PTPRN2: variants seen among roughly 807,000 people sequenced by gnomAD.
PTPRN2 encodes the protein receptor-type tyrosine-protein phosphatase N2.
A neutral mutation model predicts 118.8 loss-of-function variants in PTPRN2; 74 were observed. That is an observed-to-expected ratio of 0.62 (90% CI 0.52 to 0.76). The LOEUF (loss-of-function observed/expected upper bound fraction) is 0.76, where lower values mean the gene tolerates loss of function less well. Ranked by LOEUF, PTPRN2 falls within the 30% of genes least tolerant of loss-of-function variation. The pLI is 0.00. For missense variants in PTPRN2, 1,481 were observed against 1,394.4 expected, an observed-to-expected ratio of 1.06 and a Z score of -0.99; for synonymous variants, 641 against 608.0, an observed-to-expected ratio of 1.05 and a Z score of -0.80.
At chr7:158,414,551 C>A (rs921779243) in intron 2 of PTPRN2, among the ~76,000 whole-genome samples, 2 of 152,240 alleles carry the variant, frequency 1.3e-5, no homozygotes, top group African/African-American at 4.8e-5. Context: ...AGTCATACAT[C>A]AGAGCCACCC....
chr7:157,604,671 C>A (rs1386424602), intron 15 of PTPRN2, among the ~76,000 whole-genome samples: 1 of 152,148 alleles, frequency 6.6e-6, no homozygotes, highest in Non-Finnish European at 1.5e-5. Flanking sequence ...GAGTAAGAGA[C>A]AAATAAAATG....
intron 3 of PTPRN2, among the ~76,000 whole-genome samples, chr7:158,266,668 C>T (rs900301874): frequency 1.2e-4 from 18 of 152,178 alleles, no homozygotes; most frequent in African/African-American, 1.2e-4. Flanking sequence ...GGCCACTTCC[C>T]GGCTTAACCT....
chr7:158,391,252 C>T (rs1811901931), intron 2 of PTPRN2, among the ~76,000 whole-genome samples: 1 of 152,334 alleles, frequency 6.6e-6, no homozygotes, highest in African/African-American at 2.4e-5. Context: ...GGGCCAATGG[C>T]CGAGGAGAAA....
intron 2 of PTPRN2, among the ~76,000 whole-genome samples, chr7:158,337,510 C>A (rs1379177113): frequency 6.6e-6 from 1 of 151,586 alleles, no homozygotes; most frequent in Admixed American, 6.6e-5. Context: ...CTCGCACCCA[C>A]ACTCTCACCA....
At chr7:157,956,278 T>A (rs1401340590) in intron 11 of PTPRN2, among the ~76,000 whole-genome samples, 1 of 152,008 alleles carries the variant, frequency 6.6e-6, no homozygotes, top group African/African-American at 2.4e-5. Context: ...GTGGAGCACA[T>A]CTGGAGGGGG....
chr7:158,181,132 G>T (rs952127212), intron 5 of PTPRN2, among the ~76,000 whole-genome samples: 2 of 152,128 alleles, frequency 1.3e-5, no homozygotes, highest in African/African-American at 4.8e-5. Context: ...CGAGTTTGTT[G>T]AGAGTTTTTA....
intron 3 of PTPRN2, among the ~76,000 whole-genome samples, chr7:158,225,607 G>A (rs916369573): frequency 6.6e-6 from 1 of 152,202 alleles, no homozygotes; most frequent in Admixed American, 6.5e-5. Context: ...ATGCAGGTAC[G>A]TAATTAGCTA....
At position 157,923,400 on chromosome 7, in the gene PTPRN2, G is replaced by A. The variant is rs149220483; in HGVS notation, c.1724-24663C>T. Among the ~76,000 whole-genome samples the A allele has an allele frequency of 5.0e-3, 758 of 152,302 alleles. 8 individuals are homozygous for A. The highest frequency in any genetic ancestry group is 0.014 in the African/African-American group (563 of 41,550). On this transcript the variant is annotated intron_variant, in intron 11 of 22. Coordinates refer to ENST00000389418, the MANE Select transcript of PTPRN2 (RefSeq NM_002847.5). Reference sequence around the variant, plus strand: ...CCATGCTCCACCTGCCTGAGCCTCGGGAAACGCCACCTGCGCGCTGGCCTG... The same window carrying A: ...CCATGCTCCACCTGCCTGAGCCTCGAGAAACGCCACCTGCGCGCTGGCCTG...
chr7:158,153,384 C>G (rs980940826), intron 6 of PTPRN2, among the ~76,000 whole-genome samples: 2 of 152,210 alleles, frequency 1.3e-5, no homozygotes, highest in African/African-American at 4.8e-5. Context: ...CACAAGCCAC[C>G]TATAGACGGC....
chr7:158,071,294 G>T (rs1376272586), intron 11 of PTPRN2, among the ~76,000 whole-genome samples: 1 of 90,686 alleles, frequency 1.1e-5, no homozygotes, highest in Admixed American at 1.1e-4. Context: ...TGGTGGAGGT[G>T]CTCGTGGTGG....
chr7:158,026,901 C>G (rs1270919245), intron 11 of PTPRN2, among the ~76,000 whole-genome samples: 4 of 152,262 alleles, frequency 2.6e-5, no homozygotes, highest in Non-Finnish European at 5.9e-5. Context: ...GGTCCAGCAG[C>G]CACTCGGCTC....
intron 2 of PTPRN2, among the ~76,000 whole-genome samples, chr7:158,407,930 G>T (rs1813730713): frequency 6.6e-6 from 1 of 152,230 alleles, no homozygotes; most frequent in Admixed American, 6.5e-5. Flanking sequence ...AGTCTACAGA[G>T]CTTGTGTGCA....
chr7:157,832,925 T>A (rs1807662820), intron 12 of PTPRN2, among the ~76,000 whole-genome samples: 1 of 152,256 alleles, frequency 6.6e-6, no homozygotes, highest in Admixed American at 6.5e-5. Context: ...AGAACTGTGA[T>A]GAGATGGCGG....
rs1163051751 is a variant in PTPRN2, at chr7:157,869,631, T to C, written c.1788+29042A>G. On this transcript the variant is annotated intron_variant, in intron 12 of 22. Coordinates refer to ENST00000389418, the MANE Select transcript of PTPRN2 (RefSeq NM_002847.5). This position sits in a 1 kb window ranked among gnomAD's most constrained non-coding sequence, Gnocchi z 4.2. ...AAATGGGTACCCTCTGGATATATTT[T>C]AAGAATGGAAAACAAAAAGAAGTGA... Among the ~76,000 whole-genome samples, 1 of 152,030 alleles carries C rather than the reference T, an allele frequency of 6.6e-6. No homozygotes were observed. The highest frequency in any genetic ancestry group is 1.5e-5 in the Non-Finnish European group (1 of 68,016).
chr7:157,949,636 T>C (rs1800688766), intron 11 of PTPRN2, among the ~76,000 whole-genome samples: 3 of 152,218 alleles, frequency 2.0e-5, no homozygotes, highest in Admixed American at 2.0e-4. Context: ...TTCATAGCAG[T>C]ATACGAATGG....
intron 17 of PTPRN2, among the ~76,000 whole-genome samples, chr7:157,581,703 ATTG>A (rs1191442863): frequency 1.3e-5 from 2 of 152,144 alleles, no homozygotes; most frequent in Admixed American, 1.3e-4. Context: ...TAAAAACCAT[ATTG>A]TTGTTTGTTA....
chr7:157,851,765 C>G (rs13236379), intron 12 of PTPRN2, among the ~76,000 whole-genome samples: 3,629 of 152,360 alleles, frequency 0.024, 63 homozygotes, highest in Middle Eastern at 0.054. Flanking sequence ...GTCCTTCCAG[C>G]CTTCTCTCAC....
chr7:157,572,536 G>A (rs978202052), intron 19 of PTPRN2, among the ~76,000 whole-genome samples: 4 of 152,238 alleles, frequency 2.6e-5, no homozygotes, highest in Non-Finnish European at 5.9e-5. Flanking sequence ...TGGAAGGAGA[G>A]GGGAGGTGAG....
chr7:158,041,933 C>A (rs1384644336), intron 11 of PTPRN2, among the ~76,000 whole-genome samples: 2 of 152,184 alleles, frequency 1.3e-5, no homozygotes, highest in East Asian at 1.9e-4. Context: ...CCTTTACTAT[C>A]CTTGTATCTT....
Sources: allele counts gnomAD v4.1 joint callset (sites outside exome capture counted in the v4.1 genomes callset), GRCh38; gene constraint gnomAD v4.1.1; non-coding constraint Gnocchi (gnomAD v3.1); transcripts MANE v1.5; gene names NCBI Gene and HGNC (gene_info 2026-07-23, HGNC 2026-07-21).